ALS2: variants seen among roughly 807,000 people sequenced by gnomAD.
ALS2 encodes alsin Rho guanine nucleotide exchange factor ALS2, also known as alsin.
Under a neutral mutation model 203.4 loss-of-function variants are expected in ALS2, and 117 were observed. That is an observed-to-expected ratio of 0.58 (90% confidence interval 0.50 to 0.67). ALS2 has a LOEUF of 0.67. Among genes scored for constraint, ALS2 ranks in the 30% least tolerant of loss-of-function variants. ALS2 has a pLI of 0.00. For synonymous variants in ALS2, 718 were observed against 725.9 expected, an observed-to-expected ratio of 0.99 and a Z score of 0.17; for missense variants, 1,715 against 1,989.4, an observed-to-expected ratio of 0.86 and a Z score of 2.62.
chr2:201,759,633 C>A, intron 4 of ALS2: 7 of 984,892 alleles, frequency 7.1e-6, no homozygotes, highest in Non-Finnish European at 8.4e-6. Flanking sequence ...TTTATAATAC[C>A]TTTCTCCAAA....
chr2:201,723,134 CA>C lies in ALS2; in HGVS notation c.3625-15del. On this transcript the variant is annotated splice_polypyrimidine_tract_variant and intron_variant, in intron 22 of 33. Coordinates refer to ENST00000264276, the MANE Select transcript of ALS2 (RefSeq NM_020919.4). ...AACCCCATTTCCCTACAAGAAGAAA[CA>C]AGAGAAAAATTACAACACATAAAAT... 1 of 1,603,244 alleles carries C rather than the reference CA, an allele frequency of 6.2e-7. No individual in the cohort carries two copies.
At position 201,704,548 on chromosome 2, in the gene ALS2, TCTC is replaced by T; in HGVS notation, c.4741_4743del (p.Glu1581del). 3 of 1,614,066 alleles carry T rather than the reference TCTC, an allele frequency of 1.9e-6. No homozygotes were observed. The highest frequency in any genetic ancestry group is 1.3e-5 in the African/African-American group (1 of 75,010). Reference sequence around the variant, plus strand: ...AGTGACGCCAGGACACTCTGAGAGATCTCCTCAAAAGTCTGCTGGATGACCTTA... The same window carrying T: ...AGTGACGCCAGGACACTCTGAGAGATCTCAAAAGTCTGCTGGATGACCTTA... On this transcript the variant is annotated inframe_deletion, in exon 32 of 34. Coordinates refer to ENST00000264276, the MANE Select transcript of ALS2 (RefSeq NM_020919.4).
chr2:201,736,153 AAAC>A (rs1691864012), intron 12 of ALS2, among the ~76,000 whole-genome samples: 1 of 152,156 alleles, frequency 6.6e-6, no homozygotes, highest in African/African-American at 2.4e-5. Context: ...CAACAACAAC[AAAC>A]AATAAGTCCA....
chr2:201,721,813 G>A (rs1035924852), intron 23 of ALS2, among the ~76,000 whole-genome samples: 9 of 152,078 alleles, frequency 5.9e-5, no homozygotes, highest in East Asian at 1.9e-4. Flanking sequence ...ACAGGTGCCC[G>A]CCACCACGCC....
At chr2:201,716,629 C>A (rs573029210) in intron 24 of ALS2, 2 of 148,462 alleles carry the variant, frequency 1.3e-5, no homozygotes, top group African/African-American at 5.0e-5. Flanking sequence ...GCAGGAGAAT[C>A]GCTTGAACCT....
chr2:201,779,391 G>A (rs1574818596), intron 1 of ALS2, among the ~76,000 whole-genome samples: 1 of 152,130 alleles, frequency 6.6e-6, no homozygotes, highest in Admixed American at 6.5e-5. Context: ...ACTGGTCATA[G>A]TTTAGAAACT....
chr2:201,760,616 GA>G (rs1022883968), intron 4 of ALS2: 130 of 1,250,354 alleles, frequency 1.0e-4, no homozygotes, highest in East Asian at 5.4e-4. Context: ...GTACTAGCAA[GA>G]AAAAAAAATG....
intron 13 of ALS2, among the ~76,000 whole-genome samples, chr2:201,729,879 C>CAAAAAAAAA (rs35065446): frequency 1.3e-5 from 1 of 75,218 alleles, no homozygotes. Flanking sequence ...GACTCCGTCT[C>CAAAAAAAAA]AAAAAAAAAA....
intron 2 of ALS2, among the ~76,000 whole-genome samples, chr2:201,768,184 A>G (rs2106104441): frequency 6.6e-6 from 1 of 152,322 alleles, no homozygotes; most frequent in Non-Finnish European, 1.5e-5. Flanking sequence ...TTAGGAATCA[A>G]GTTTATAATA....
chr2:201,752,330 C>A (rs1398819550), intron 7 of ALS2, among the ~76,000 whole-genome samples: 2 of 151,994 alleles, frequency 1.3e-5, no homozygotes, highest in African/African-American at 4.8e-5. Flanking sequence ...TAGTTCTGAG[C>A]AGAATTTCCT....
chr2:201,772,761 T>C (rs1187851957), intron 1 of ALS2, among the ~76,000 whole-genome samples: 4 of 152,164 alleles, frequency 2.6e-5, no homozygotes, highest in Middle Eastern at 3.2e-3. Context: ...CTTGGTTTCT[T>C]TTATGTACTT....
chr2:201,740,454 G>A (rs370324430), intron 11 of ALS2, among the ~76,000 whole-genome samples: 2 of 151,876 alleles, frequency 1.3e-5, no homozygotes, highest in Admixed American at 6.6e-5. Flanking sequence ...TACCAGAGAA[G>A]AAAAAGAAGT....
chr2:201,734,836 C>A (rs1417558854), intron 12 of ALS2, among the ~76,000 whole-genome samples: 9 of 152,124 alleles, frequency 5.9e-5, no homozygotes, highest in East Asian at 1.9e-4. Context: ...ATCAGCTTAT[C>A]TTTTCTTGGG....
chr2:201,776,290 C>T (rs1194274638), intron 1 of ALS2, among the ~76,000 whole-genome samples: 4 of 151,904 alleles, frequency 2.6e-5, no homozygotes, highest in African/African-American at 7.3e-5. Flanking sequence ...TTTTTTAATG[C>T]CTTGCTAATT....
chr2:201,745,506 T>C (rs1385302099), intron 9 of ALS2, among the ~76,000 whole-genome samples: 2 of 152,178 alleles, frequency 1.3e-5, no homozygotes, highest in Admixed American at 6.6e-5. Flanking sequence ...TTAATTTCCC[T>C]GCAGCATGTC....
chr2:201,762,298 T>C (rs1447645136), intron 3 of ALS2, among the ~76,000 whole-genome samples: 1 of 152,228 alleles, frequency 6.6e-6, no homozygotes, highest in African/African-American at 2.4e-5. Context: ...ATATTAGCGA[T>C]TCATTTTGGC....
At chr2:201,706,060 T>A (rs1396579741) in intron 29 of ALS2, among the ~76,000 whole-genome samples, 1 of 152,122 alleles carries the variant, frequency 6.6e-6, no homozygotes, top group Non-Finnish European at 1.5e-5. Context: ...TAATTTAGTA[T>A]TCCCTGGATA....
chr2:201,780,549 G>A (rs1425522916), intron 1 of ALS2, among the ~76,000 whole-genome samples: 4 of 152,170 alleles, frequency 2.6e-5, no homozygotes, highest in Non-Finnish European at 5.9e-5. Context: ...AGCGTGGGTG[G>A]AGGCGGGAAG....
intron 30 of ALS2, 108 bp from the exon 31 acceptor site, chr2:201,705,308 A>T (rs1273758222): frequency 6.8e-6 from 10 of 1,460,252 alleles, no homozygotes; most frequent in Non-Finnish European, 9.6e-6. Flanking sequence ...AGATGCAAAC[A>T]CAAGCTTGGG....
Sources: gnomAD v4.1 joint callset for allele counts (sites outside exome capture counted in the v4.1 genomes callset) on GRCh38, gnomAD v4.1.1 for gene constraint, MANE v1.5 for transcripts, NCBI Gene and HGNC (gene_info 2026-07-23, HGNC 2026-07-21) for gene names.